Variants in FSIP2 observed in about 807,000 individuals in gnomAD.
The protein encoded by FSIP2 is fibrous sheath-interacting protein 2.
In FSIP2, 367 loss-of-function variants were observed where a neutral mutation model predicts 510.5. The ratio of observed to expected loss-of-function variants is 0.72; its 90% CI spans 0.66 to 0.78. FSIP2 has a LOEUF of 0.78. Ranked by LOEUF, FSIP2 falls within the 30% of genes least tolerant of loss-of-function variation. The probability of loss-of-function intolerance (pLI) is 0.00; values close to 1 mark genes in which losing one functional copy is unlikely to be tolerated. For synonymous variants in FSIP2, 2,601 were observed against 2,732.2 expected (o/e 0.95, Z 1.50); for missense variants, 7,594 against 7,901.7 (o/e 0.96, Z 1.48).
intron 13 of FSIP2, among the ~76,000 whole-genome samples, chr2:185,779,083 G>T (rs1406904982): frequency 6.6e-6 from 1 of 151,852 alleles, no homozygotes; most frequent in Non-Finnish European, 1.5e-5. Flanking sequence ...TTGTTTAGAT[G>T]CCTCTTGTAG....
Position 185,806,980 on chromosome 2 carries a change from C to T in FSIP2, c.17674C>T (p.Pro5892Ser), listed in dbSNP as rs1693597070. The T allele has an allele frequency of 1.2e-6, 2 of 1,608,890 alleles. No individual in the cohort carries two copies. Among genetic ancestry groups the T allele is most frequent in the Non-Finnish European group, 1.7e-6 (2 of 1,178,100 alleles). The change falls in exon 17 of 23, where the codon CCT becomes TCT. Residue 5892 changes from proline (P) to serine (S), a missense_variant. By Grantham distance (74) the Pro-to-Ser change is moderately conservative. Transcript: ENST00000424728. ...IKIKSADKMPPMHKMMRKPSS... is the reference protein window; with the variant it reads ...IKIKSADKMPSMHKMMRKPSS... ...GATAAAATCTGCAGATAAAATGCCA[C>T]CTATGCATAAAATGATGAGAAAACC...
intron 19 of FSIP2, among the ~76,000 whole-genome samples, chr2:185,823,813 T>C (rs905817937): frequency 2.0e-5 from 3 of 151,722 alleles, no homozygotes; most frequent in Admixed American, 2.0e-4. Flanking sequence ...AGACAAATGA[T>C]GGAAGCAATC....
intron 8 of FSIP2, among the ~76,000 whole-genome samples, chr2:185,754,447 T>G (rs1388793117): frequency 6.6e-6 from 1 of 151,514 alleles, no homozygotes; most frequent in Non-Finnish European, 1.5e-5. Context: ...TTATTTTCCA[T>G]GCAGCTATTG....
chr2:185,802,580 A>G lies in FSIP2; in HGVS notation c.13274A>G (p.Asp4425Gly), dbSNP rs915330121. The G allele has an allele frequency of 6.5e-7, 1 of 1,530,666 alleles. No homozygotes were observed. The allele number at this position is 1,530,666 out of a possible 1,614,324, so 94.8% of individuals were successfully genotyped here. A position where few individuals can be genotyped will look rare whatever the true frequency, so the allele number is the denominator to read the frequency against. ...CTTCTTCATCCACTGTTTTCTGGGG[A>G]TTTTTCAGCTTCTACCTATTCTAAT... ...DYLLHPLFSG[D>G]FSASTYSNSV... Residue 4425 changes from aspartate to glycine, a missense_variant, in exon 17 of 23, where the codon GAT becomes GGT. Coordinates refer to ENST00000424728, the MANE Select transcript of FSIP2 (RefSeq NM_173651.4).
intron 15 of FSIP2, among the ~76,000 whole-genome samples, chr2:185,786,960 T>C (rs532180587): frequency 2.6e-4 from 39 of 151,982 alleles, no homozygotes; most frequent in Non-Finnish European, 4.6e-4. Flanking sequence ...ATTCTATCTA[T>C]CATATTTCAC....
In FSIP2 at chr2:185,753,316, C is replaced by T. The variant is rs1268166412; in HGVS notation, c.871-406C>T. 2.6e-5 allele frequency among the ~76,000 whole-genome samples: 4 copies of T among 151,114 alleles called. No homozygotes were observed. In the Admixed American group the frequency reaches 2.7e-4, roughly 10 times the overall value. On this transcript the variant is annotated intron_variant, in intron 7 of 22. Transcript: ENST00000424728. ...TGTTTCTAGTGCATTCAATACTAGC[C>T]CAGAAATTCACAAAGGGAAGTCACA...
chr2:185,789,189 G>A lies in FSIP2; in HGVS notation c.2053G>A (p.Glu685Lys), dbSNP rs1693058811. ...HCDKTAKAMD[E>K]MKNLKNVFVN... The stretch of plus-strand genomic sequence containing the variant: ...TGATAAAACAGCAAAAGCCATGGAT[G>A]AAATGAAGAATTTAAAAAATGTTTT... The change falls in exon 16 of 23, where the codon GAA becomes AAA. Residue 685 changes from glutamate (E) to lysine (K), a missense_variant. Glu to Lys is a moderately conservative substitution (Grantham distance 56). Coordinates refer to ENST00000424728, the MANE Select transcript of FSIP2 (RefSeq NM_173651.4). 1 of 1,534,484 alleles carries A rather than the reference G, an allele frequency of 6.5e-7. No individual in the cohort carries two copies. The highest frequency in any genetic ancestry group is 2.4e-5 in the East Asian group (1 of 40,864).
intron 9 of FSIP2, among the ~76,000 whole-genome samples, chr2:185,756,496 T>C (rs1692249255): frequency 6.6e-6 from 1 of 151,506 alleles, no homozygotes; most frequent in Non-Finnish European, 1.5e-5. Flanking sequence ...CCTGACATTA[T>C]ATTATTATTT....
chr2:185,796,787 A>T lies in FSIP2; in HGVS notation c.9651A>T (p.Thr3217=), dbSNP rs1027361948. ...PTSVRSSVED[T]VKNSEPTKRP... Reference sequence around the variant, plus strand: ...CTGTCAGATCCTCTGTAGAAGACACAGTTAAAAACTCAGAGCCAACGAAAA... The same window carrying T: ...CTGTCAGATCCTCTGTAGAAGACACTGTTAAAAACTCAGAGCCAACGAAAA... Residue 3217 remains threonine, a synonymous_variant, in exon 16 of 23, where the codon ACA becomes ACT. Transcript: ENST00000424728. 1.8e-5 allele frequency: 27 copies of T among 1,535,020 alleles called. No homozygotes were observed. In the African/African-American group the frequency reaches 3.7e-4, roughly 21 times the overall value.
At chr2:185,824,783 T>A (rs1301132717) in intron 20 of FSIP2, among the ~76,000 whole-genome samples, 3 of 151,814 alleles carry the variant, frequency 2.0e-5, no homozygotes, top group Non-Finnish European at 2.9e-5. Flanking sequence ...GCAGTTTATA[T>A]CTGAGCCAGA....
Position 185,795,641 on chromosome 2 carries a change from T to G in FSIP2, c.8505T>G (p.Gly2835=). Residue 2835 remains glycine (G), a synonymous_variant, in exon 16 of 23, where the codon GGT becomes GGG. Transcript: ENST00000424728. ...TAGAGCACATTTTTCCTAGAGAAGG[T>G]ATATTTAAAAAATTGTTTGACAAGT... ...SQLEHIFPRE[G]IFKKLFDKWQ... is the part of the protein sequence containing the mutation. 3 of 1,534,554 alleles carry G rather than the reference T, an allele frequency of 2.0e-6. No homozygotes were observed. In the African/African-American group the frequency reaches 4.1e-5, roughly 21 times the overall value.
At chr2:185,750,512 G>T (rs1381737305) in intron 7 of FSIP2, among the ~76,000 whole-genome samples, 1 of 150,260 alleles carries the variant, frequency 6.7e-6, no homozygotes, top group Non-Finnish European at 1.5e-5. Flanking sequence ...TTCCTTATCA[G>T]TCCTGGCTAG....
At position 185,806,049 on chromosome 2, in the gene FSIP2, G is replaced by C; in HGVS notation, c.16743G>C (p.Glu5581Asp). Reference sequence around the variant, plus strand: ...CAGATAAAAAAGGGAAAGATGATGAGATATACACACATTTTTCATTAATAA... The same window carrying C: ...CAGATAAAAAAGGGAAAGATGATGACATATACACACATTTTTCATTAATAA... ...IPTDKKGKDD[E>D]IYTHFSLIID... Residue 5581 changes from glutamate (E) to aspartate (D), a missense_variant, in exon 17 of 23, where the codon GAG becomes GAC. Glu to Asp is a conservative substitution (Grantham distance 45, BLOSUM62 2). Transcript: ENST00000424728. The C allele has an allele frequency of 6.4e-7, 1 of 1,550,632 alleles. No homozygotes were observed.
In FSIP2 at chr2:185,745,552, C is replaced by T. The variant is rs755540136; in HGVS notation, c.601C>T (p.Arg201Trp). Residue 201 changes from arginine to tryptophan, a missense_variant, in exon 5 of 23, where the codon CGG (arginine) becomes TGG (tryptophan). Coordinates refer to ENST00000424728, the MANE Select transcript of FSIP2 (RefSeq NM_173651.4). ...EGTESIKDQERLMRHRYLDMI... is the reference protein window; with the variant it reads ...EGTESIKDQEWLMRHRYLDMI... ...CACTGAATCTATTAAGGACCAGGAG[C>T]GGCTGATGAGGCATAGGTAAGATTA... is the stretch of plus-strand genomic sequence containing the variant. 128 of 1,533,732 alleles carry T rather than the reference C, an allele frequency of 8.3e-5. No individual in the cohort carries two copies. Among genetic ancestry groups the T allele is most frequent in the Non-Finnish European group, 1.1e-4 (124 of 1,145,626 alleles).
rs181690757 is a variant in FSIP2 at position 185,829,917 on chromosome 2, A to G, written c.20517+1718A>G. Among the ~76,000 whole-genome samples, 85 of 152,034 alleles carry G rather than the reference A, an allele frequency of 5.6e-4. 1 individual carries two copies. The highest frequency in any genetic ancestry group is 3.9e-3 in the Admixed American group (59 of 15,236). The stretch of plus-strand genomic sequence containing the variant: ...AGAGGAACCTCAAAAATCTGTTTAT[A>G]CTGTCCCCTCTGAGTTGTACATATT... On this transcript the variant is annotated intron_variant, in intron 21 of 22. Transcript: ENST00000424728.
At chr2:185,778,418 T>C (rs1324543517) in intron 13 of FSIP2, among the ~76,000 whole-genome samples, 2 of 152,082 alleles carry the variant, frequency 1.3e-5, no homozygotes, top group Non-Finnish European at 1.5e-5. Flanking sequence ...AAATATAAAA[T>C]GTATCAAAAA....
At position 185,781,532 on chromosome 2, in the gene FSIP2, G is replaced by A. The variant is rs988786338; in HGVS notation, c.1412-1173G>A. Among the ~76,000 whole-genome samples the A allele has an allele frequency of 2.0e-5, 3 of 152,072 alleles. No individual in the cohort carries two copies. In the South Asian group the frequency reaches 6.2e-4, roughly 32 times the overall value. ...TTTTAATTCTCCATCTTTTGGGGGGGCCCAATGTCTTGTTTTAAATGCTCT... is the reference window on the plus strand; with the variant it reads ...TTTTAATTCTCCATCTTTTGGGGGGACCCAATGTCTTGTTTTAAATGCTCT... On this transcript the variant is annotated intron_variant, in intron 13 of 22. Transcript: ENST00000424728.
At chr2:185,825,650 T>A (rs1281988994) in intron 20 of FSIP2, among the ~76,000 whole-genome samples, 1 of 151,814 alleles carries the variant, frequency 6.6e-6, no homozygotes, top group African/African-American at 2.4e-5. Context: ...TTTATCCAAC[T>A]TAATTTTGGT....
chr2:185,751,710 TTG>T (rs1692152401), intron 7 of FSIP2, among the ~76,000 whole-genome samples: 1 of 151,498 alleles, frequency 6.6e-6, no homozygotes, highest in Non-Finnish European at 1.5e-5. Context: ...TGTATCTATT[TTG>T]TATATTGCTT....
Sources: allele counts gnomAD v4.1 joint callset (sites outside exome capture counted in the v4.1 genomes callset), GRCh38; gene constraint gnomAD v4.1.1; transcripts MANE v1.5; gene names NCBI Gene and HGNC (gene_info 2026-07-23, HGNC 2026-07-21).